Variants in CTNNA2 observed in about 807,000 individuals in gnomAD.
CTNNA2 encodes the protein catenin alpha-2.
CTNNA2 carries 42 observed loss-of-function variants against 101.0 expected under a neutral mutation model. The ratio of observed to expected loss-of-function variants is 0.42; its 90% CI spans 0.32 to 0.54. The LOEUF is 0.54. Among genes scored for constraint, CTNNA2 ranks in the 20% least tolerant of loss-of-function variants. CTNNA2 has a pLI of 0.14. For missense variants in CTNNA2, 871 were observed against 1,223.1 expected (o/e 0.71, Z 4.29); for synonymous variants, 450 against 456.4 (o/e 0.99, Z 0.18).
At chr2:79,272,914 T>C (rs1425450239) in intron 2 of CTNNA2, among the ~76,000 whole-genome samples, 1 of 152,088 alleles carries the variant, frequency 6.6e-6, no homozygotes, top group Non-Finnish European at 1.5e-5. Flanking sequence ...CTAGGTTATG[T>C]TTTGTTGCAA....
At position 80,302,738 on chromosome 2, in the gene CTNNA2, T is replaced by C. The variant is rs1348150059; in HGVS notation, c.1057-90473T>C. ...GGGCTCGGCCCCATCCTCGCACAGG[T>C]GGAAGGCGTACACGGCGTCCAGGAC... On this transcript the variant is annotated intron_variant, in intron 7 of 18. Coordinates refer to ENST00000402739, the MANE Select transcript of CTNNA2 (RefSeq NM_001282597.3). This position sits in a 1 kb window ranked among gnomAD's most constrained non-coding sequence, Gnocchi z 6.4. The C allele has an allele frequency of 3.1e-6, 5 of 1,612,962 alleles. No homozygotes were observed. The highest frequency in any genetic ancestry group is 2.2e-5 in the East Asian group (1 of 44,832).
chr2:79,543,054 T>G (rs964784855), intron 1 of CTNNA2, among the ~76,000 whole-genome samples: 2 of 152,178 alleles, frequency 1.3e-5, no homozygotes, highest in African/African-American at 4.8e-5. Context: ...GTTTTTCTTC[T>G]TGGGAAGTAT....
chr2:80,084,718 G>T (rs1406351566), intron 7 of CTNNA2, among the ~76,000 whole-genome samples: 2 of 151,964 alleles, frequency 1.3e-5, no homozygotes. Flanking sequence ...ACTGATTATG[G>T]TTTATTTTAC....
chr2:79,678,119 G>A (rs1051915059), intron 2 of CTNNA2, among the ~76,000 whole-genome samples: 17 of 152,198 alleles, frequency 1.1e-4, no homozygotes, highest in African/African-American at 4.1e-4. Context: ...AAGGCAGATA[G>A]TTACTTCCAG....
intron 4 of CTNNA2, among the ~76,000 whole-genome samples, chr2:79,410,184 GC>G (rs1415642783): frequency 6.9e-6 from 1 of 145,552 alleles, no homozygotes; most frequent in Admixed American, 6.9e-5. Flanking sequence ...TTGCTTATCA[GC>G]TTAAGGAGAT....
In CTNNA2 at chr2:80,162,927, G is replaced by C; in HGVS notation, c.1057-230284G>C. ...GCTAGGAGTTGTGGAGGTAGGGCTTGAATTTCCAACATGATATTGGGGATA... is the reference window on the plus strand; with the variant it reads ...GCTAGGAGTTGTGGAGGTAGGGCTTCAATTTCCAACATGATATTGGGGATA... On this transcript the variant is annotated intron_variant, in intron 7 of 18. Transcript: ENST00000402739. 4 of 1,549,758 alleles carry C rather than the reference G, an allele frequency of 2.6e-6. No homozygotes were observed. The South Asian group carries it at 4.5e-5, about 17-fold the overall frequency.
At chr2:80,194,937 C>T (rs1706741032) in intron 7 of CTNNA2, among the ~76,000 whole-genome samples, 2 of 151,998 alleles carry the variant, frequency 1.3e-5, no homozygotes, top group East Asian at 3.9e-4. Context: ...CAAATTCAAA[C>T]ATAAATTCAA....
At position 80,208,305 on chromosome 2, in the gene CTNNA2, GT is replaced by G. The variant is rs141598584; in HGVS notation, c.1057-184904del. 7.9e-5 allele frequency among the ~76,000 whole-genome samples: 12 copies of G among 152,220 alleles called. No individual in the cohort carries two copies. The East Asian group carries it at 2.3e-3, about 29-fold the overall frequency. On this transcript the variant is annotated intron_variant, in intron 7 of 18. Transcript: ENST00000402739. ...GAAAAATAACCTAGTTGCCAATTTG[GT>G]TATGTGCAACTGTTAAATATAGATG...
At chr2:79,332,388 T>A (rs555830190) in intron 3 of CTNNA2, among the ~76,000 whole-genome samples, 1 of 151,932 alleles carries the variant, frequency 6.6e-6, no homozygotes, top group East Asian at 1.9e-4. Context: ...GGTAGATAGC[T>A]TGCCCCTTCA....
chr2:79,714,409 T>C (rs1270308146), intron 2 of CTNNA2, among the ~76,000 whole-genome samples: 1 of 152,194 alleles, frequency 6.6e-6, no homozygotes, highest in African/African-American at 2.4e-5. Flanking sequence ...ATTTTCTCAG[T>C]TTGTCTTCCT....
intron 7 of CTNNA2, among the ~76,000 whole-genome samples, chr2:80,127,622 C>T (rs1702209662): frequency 6.6e-6 from 1 of 152,076 alleles, no homozygotes; most frequent in Admixed American, 6.6e-5. Flanking sequence ...TCTTCCTGCC[C>T]CTGAAGAAGG....
chr2:79,851,465 C>A (rs1206523653), intron 3 of CTNNA2, among the ~76,000 whole-genome samples: 1 of 152,124 alleles, frequency 6.6e-6, no homozygotes, highest in Admixed American at 6.5e-5. Context: ...GTTTGAGTTG[C>A]AGAACTGGCT....
intron 6 of CTNNA2, among the ~76,000 whole-genome samples, chr2:79,903,199 A>G (rs1685193793): frequency 6.6e-6 from 1 of 152,098 alleles, no homozygotes; most frequent in East Asian, 1.9e-4. Context: ...GTCATAGCCT[A>G]TATATTTTCA....
chr2:80,196,663 G>A lies in CTNNA2; in HGVS notation c.1057-196548G>A, dbSNP rs189158141. ...AAAAGTTTTACCTAGCTGCTGGAAT[G>A]GCCAATGATTACTTCTTCCTGGACT... On this transcript the variant is annotated intron_variant, in intron 7 of 18. Transcript: ENST00000402739. Among the ~76,000 whole-genome samples, 460 of 152,252 alleles carry A rather than the reference G, an allele frequency of 3.0e-3. 1 individual carries two copies. Among genetic ancestry groups the A allele is most frequent in the African/African-American group, 0.011 (438 of 41,532 alleles).
At chr2:80,512,149 CAAAAAAAAAAAAAA>C (rs59359924) in intron 9 of CTNNA2, among the ~76,000 whole-genome samples, 13 of 73,512 alleles carry the variant, frequency 1.8e-4, no homozygotes, top group African/African-American at 2.5e-4. Context: ...CACTCTGTCT[CAAAAAAAAAAAAAA>C]AAAAAAAAAA....
intron 6 of CTNNA2, among the ~76,000 whole-genome samples, chr2:79,878,387 G>T (rs1291639661): frequency 1.3e-5 from 2 of 152,156 alleles, no homozygotes; most frequent in Non-Finnish European, 2.9e-5. Context: ...GTAAGGAATT[G>T]CCATACTGTC....
At chr2:80,096,461 T>C (rs1037099494) in intron 7 of CTNNA2, among the ~76,000 whole-genome samples, 1 of 152,226 alleles carries the variant, frequency 6.6e-6, no homozygotes, top group Non-Finnish European at 1.5e-5. Context: ...GGTGTGGTGC[T>C]GAAAAGAATA....
At chr2:80,058,480 C>T (rs960265166) in intron 7 of CTNNA2, among the ~76,000 whole-genome samples, 1 of 152,072 alleles carries the variant, frequency 6.6e-6, no homozygotes, top group African/African-American at 2.4e-5. Context: ...TGAGAGTTTG[C>T]CACAAACAGT....
intron 7 of CTNNA2, among the ~76,000 whole-genome samples, chr2:80,018,559 G>C (rs752835017): frequency 6.6e-6 from 1 of 152,104 alleles, no homozygotes; most frequent in Non-Finnish European, 1.5e-5. Flanking sequence ...GGCAGATCAC[G>C]AGGTTGGGAA....
Sources: gnomAD v4.1 joint callset for allele counts (sites outside exome capture counted in the v4.1 genomes callset) on GRCh38, gnomAD v4.1.1 for gene constraint, Gnocchi (gnomAD v3.1) non-coding constraint, MANE v1.5 for transcripts, NCBI Gene and HGNC (gene_info 2026-07-23, HGNC 2026-07-21) for gene names.